Variants in NSD2 observed in about 807,000 individuals in gnomAD.
NSD2 encodes the protein nuclear receptor binding SET domain protein 2, also known as histone-lysine N-methyltransferase NSD2.
A neutral mutation model predicts 139.0 loss-of-function variants in NSD2; 12 were observed. The ratio of observed to expected loss-of-function variants is 0.09; its 90% confidence interval spans 0.06 to 0.14. NSD2 has a LOEUF of 0.14. NSD2 is among the 10% of genes least tolerant of loss of function. The pLI, the probability that NSD2 is intolerant of heterozygous loss-of-function variation, is 1.00. For synonymous variants in NSD2, 669 were observed against 648.7 expected, an observed-to-expected ratio of 1.03 and a Z score of -0.48; for missense variants, 1,155 against 1,745.0, an observed-to-expected ratio of 0.66 and a Z score of 6.02.
At chr4:1,954,250 G>T (rs1207704168) in intron 12 of NSD2, among the ~76,000 whole-genome samples, 1 of 152,036 alleles carries the variant, frequency 6.6e-6, no homozygotes, top group Non-Finnish European at 1.5e-5. Flanking sequence ...CTCCCAAAGT[G>T]CTGGGATTAC....
rs1025026299 is a variant in NSD2 at position 1,972,928 on chromosome 4, C to G, written c.3373-1935C>G. 1.1e-4 allele frequency among the ~76,000 whole-genome samples: 17 copies of G among 152,184 alleles called. No homozygotes were observed. The highest frequency in any genetic ancestry group is 2.2e-4 in the Non-Finnish European group (15 of 68,034). On this transcript the variant is annotated intron_variant, in intron 18 of 21. Coordinates refer to ENST00000508803, the MANE Select transcript of NSD2 (RefSeq NM_001042424.3). This position sits in a 1 kb window ranked among gnomAD's most constrained non-coding sequence, Gnocchi z 4.0. ...AGTTCAGTGGCACAATCTCAGCTCA[C>G]TGCACCCTCTGCCTCACAGGTTCAA...
In NSD2 at chr4:1,955,074, A is replaced by G. The variant is rs1724667408; in HGVS notation, c.2339-87A>G. ...ATTTTAGCATTAACTTTTCAAATTC[A>G]TGGAGGCTGAGTAATTATTAGTTGC... On this transcript the variant is annotated intron_variant, in intron 12 of 21. Transcript: ENST00000508803. The surrounding 1 kb of genome is among the most constrained non-coding windows in gnomAD (Gnocchi z 4.7). The G allele has an allele frequency of 2.2e-6, 3 of 1,375,390 alleles. No individual in the cohort carries two copies. The East Asian group carries it at 7.0e-5, about 32-fold the overall frequency. 85.2% of individuals were successfully genotyped at this position (1,375,390 alleles called of 1,614,324 possible). A position where few individuals can be genotyped will look rare whatever the true frequency, so the allele number is the denominator to read the frequency against.
intron 3 of NSD2, among the ~76,000 whole-genome samples, chr4:1,912,388 A>G (rs1211202685): frequency 6.6e-6 from 1 of 152,170 alleles, no homozygotes; most frequent in East Asian, 1.9e-4. Context: ...TGTTTACATA[A>G]TTTTGACTAT....
chr4:1,938,438 T>C lies in NSD2; in HGVS notation c.1675-13T>C, dbSNP rs1722714658. The C allele has an allele frequency of 7.6e-7, 1 of 1,311,042 alleles. No homozygotes were observed. Among genetic ancestry groups the C allele is most frequent in the Non-Finnish European group, 1.0e-6 (1 of 985,286 alleles). 81.2% of individuals were successfully genotyped at this position (1,311,042 alleles called of 1,614,324 possible). ...TTTCTTTTTTTTTTTTTTTTTTTTT[T>C]TTTAAATAATAGAGAGACACAATCA... On this transcript the variant is annotated splice_polypyrimidine_tract_variant and intron_variant, in intron 7 of 21. Coordinates refer to ENST00000508803, the MANE Select transcript of NSD2 (RefSeq NM_001042424.3).
intron 1 of NSD2, among the ~76,000 whole-genome samples, chr4:1,892,572 CTT>C (rs35224531): frequency 1.4e-5 from 2 of 147,914 alleles, no homozygotes; most frequent in East Asian, 2.0e-4. Context: ...ACTGATAACT[CTT>C]TTTTTTTTTG....
intron 1 of NSD2, among the ~76,000 whole-genome samples, chr4:1,899,670 G>A (rs141155485): frequency 1.5e-3 from 222 of 152,284 alleles, no homozygotes; most frequent in African/African-American, 5.1e-3. Flanking sequence ...TGTGTTTTGG[G>A]GCTCTGGCCC....
intron 18 of NSD2, among the ~76,000 whole-genome samples, chr4:1,965,557 C>T (rs1725799857): frequency 6.6e-6 from 1 of 152,090 alleles, no homozygotes; most frequent in Admixed American, 6.5e-5. Flanking sequence ...TTTCGAAAAC[C>T]AGAAAAAGAA....
At chr4:1,964,523 G>A (rs1725678502) in intron 18 of NSD2, among the ~76,000 whole-genome samples, 1 of 152,186 alleles carries the variant, frequency 6.6e-6, no homozygotes, top group South Asian at 2.1e-4. Context: ...CAGCTTGAGG[G>A]GTTCAGGGTG....
chr4:1,914,608 G>C (rs568654631), intron 3 of NSD2, among the ~76,000 whole-genome samples: 19 of 152,192 alleles, frequency 1.2e-4, no homozygotes, highest in Non-Finnish European at 2.5e-4. Flanking sequence ...TTACAGGCGT[G>C]AGCCACTGTG....
Position 1,942,066 on chromosome 4 carries a change from A to G in NSD2, c.1881+2288A>G, listed in dbSNP as rs532925216. The G allele has an allele frequency of 6.0e-5, 70 of 1,166,966 alleles. No homozygotes were observed. Among genetic ancestry groups the G allele is most frequent in the African/African-American group, 2.4e-4 (15 of 63,658 alleles). 72.3% of individuals were successfully genotyped at this position (1,166,966 alleles called of 1,614,324 possible). On this transcript the variant is annotated intron_variant, in intron 9 of 21. Coordinates refer to ENST00000508803, the MANE Select transcript of NSD2 (RefSeq NM_001042424.3). The surrounding 1 kb of genome is among the most constrained non-coding windows in gnomAD (Gnocchi z 4.0). ...CCCTTTCATCACATTTGTTTGAAAT[A>G]AGGTACTTTTATAGGGTTGGTATTT...
At chr4:1,886,956 C>T (rs1715162136) in intron 1 of NSD2, among the ~76,000 whole-genome samples, 1 of 152,192 alleles carries the variant, frequency 6.6e-6, no homozygotes, top group Non-Finnish European at 1.5e-5. Flanking sequence ...CCTCTTACCT[C>T]CCATGTTACC....
chr4:1,947,746 A>G, intron 9 of NSD2: 1 of 1,051,242 alleles, frequency 9.5e-7, no homozygotes, highest in Non-Finnish European at 1.1e-6. Context: ...CATCATTTCA[A>G]CATGAAAATT....
At chr4:1,898,618 C>G (rs1716716189) in intron 1 of NSD2, among the ~76,000 whole-genome samples, 1 of 150,268 alleles carries the variant, frequency 6.7e-6, no homozygotes, top group Non-Finnish European at 1.5e-5. Flanking sequence ...TGAGATCGCA[C>G]CACTGCAGTC....
Position 1,952,227 on chromosome 4 carries a change from C to T in NSD2, c.2133C>T (p.Ala711=). 1.9e-6 allele frequency: 3 copies of T among 1,613,674 alleles called. No individual in the cohort carries two copies. The highest frequency in any genetic ancestry group is 8.5e-7 in the Non-Finnish European group (1 of 1,179,970). ...PEGRFTCSEC[A]SGIHSCFVCK... is the part of the protein sequence containing the mutation. ...GGAGGTTCACCTGCAGCGAGTGTGC[C>T]TCAGGCAAGTTCCCACGGGCGGGCA... Residue 711 remains alanine, a synonymous_variant, in exon 11 of 22, where the codon GCC becomes GCT. Coordinates refer to ENST00000508803, the MANE Select transcript of NSD2 (RefSeq NM_001042424.3).
intron 9 of NSD2, chr4:1,947,491 T>C (rs1190141044): frequency 9.5e-7 from 1 of 1,058,000 alleles, no homozygotes; most frequent in African/African-American, 1.6e-5. Flanking sequence ...GCCAGGAAGT[T>C]TCTAGTTTGT....
At chr4:1,906,941 G>A (rs1198839608) in intron 3 of NSD2, among the ~76,000 whole-genome samples, 2 of 152,052 alleles carry the variant, frequency 1.3e-5, no homozygotes, top group Non-Finnish European at 1.5e-5. Flanking sequence ...GATTACAGGC[G>A]TGAGCCACCG....
chr4:1,931,347 A>T (rs993280220), intron 6 of NSD2, among the ~76,000 whole-genome samples: 8 of 152,176 alleles, frequency 5.3e-5, no homozygotes, highest in Non-Finnish European at 1.2e-4. Flanking sequence ...GGCTTAAAAA[A>T]ACCAAAAGTG....
At chr4:1,905,522 C>T (rs1447682176) in intron 3 of NSD2, among the ~76,000 whole-genome samples, 3 of 152,254 alleles carry the variant, frequency 2.0e-5, no homozygotes, top group Admixed American at 1.3e-4. Context: ...GCTGCCCTTG[C>T]TATGAGCTTA....
At chr4:1,967,207 C>T (rs906889661) in intron 18 of NSD2, among the ~76,000 whole-genome samples, 2 of 152,180 alleles carry the variant, frequency 1.3e-5, no homozygotes, top group African/African-American at 4.8e-5. Context: ...GAAACACAAA[C>T]TACCAAGACT....
Sources: gnomAD v4.1 joint callset for allele counts (sites outside exome capture counted in the v4.1 genomes callset) on GRCh38, gnomAD v4.1.1 for gene constraint, Gnocchi (gnomAD v3.1) non-coding constraint, MANE v1.5 for transcripts, NCBI Gene and HGNC (gene_info 2026-07-23, HGNC 2026-07-21) for gene names.